The following PCGF5 variants were observed in gnomAD, a reference collection of about 807,000 sequenced individuals.
PCGF5 encodes the protein polycomb group RING finger protein 5.
In PCGF5, 9 loss-of-function variants were observed where a neutral mutation model predicts 44.3. The observed-to-expected ratio is 0.20, with a 90% confidence interval of 0.12 to 0.35. PCGF5 has a LOEUF of 0.35. Ranked by LOEUF, PCGF5 falls within the 10% of genes least tolerant of loss-of-function variation. The probability of loss-of-function intolerance (pLI) is 1.00; values close to 1 mark genes in which losing one functional copy is unlikely to be tolerated. For synonymous variants in PCGF5, 95 were observed against 102.5 expected (o/e 0.93, Z 0.44); for missense variants, 146 against 305.3 (o/e 0.48, Z 3.89).
upstream of PCGF5, among the ~76,000 whole-genome samples, chr10:91,160,645 A>G (rs887362806): frequency 3.4e-4 from 52 of 151,860 alleles, no homozygotes; most frequent in East Asian, 5.8e-4. Flanking sequence ...TCTGGGGGGG[A>G]AAAGAAGTCA....
intron 9 of PCGF5, among the ~76,000 whole-genome samples, chr10:91,275,122 T>C (rs1458377284): frequency 1.3e-5 from 2 of 152,088 alleles, no homozygotes; most frequent in Non-Finnish European, 2.9e-5. Flanking sequence ...AAAATATATT[T>C]GCAATGTATG....
chr10:91,236,247 T>C (rs950245807), intron 2 of PCGF5, among the ~76,000 whole-genome samples: 5 of 152,206 alleles, frequency 3.3e-5, no homozygotes, highest in Non-Finnish European at 7.3e-5. Flanking sequence ...GCTGTGCAGC[T>C]GTGAGCAGCC....
At chr10:91,205,769 A>ATTTG (rs1844336142) in intron 1 of PCGF5, among the ~76,000 whole-genome samples, 1 of 152,124 alleles carries the variant, frequency 6.6e-6, no homozygotes, top group Non-Finnish European at 1.5e-5. Flanking sequence ...ACTTGTGGTC[A>ATTTG]TTTGTTGGTC....
At chr10:91,237,598 G>C (rs997782672) in intron 2 of PCGF5, among the ~76,000 whole-genome samples, 3 of 152,086 alleles carry the variant, frequency 2.0e-5, no homozygotes, top group Non-Finnish European at 4.4e-5. Flanking sequence ...CAAATAATTA[G>C]CCAGGCATGG....
rs548340088 is a variant in PCGF5 at position 91,232,007 on chromosome 10, G to A, written c.113-8477G>A. Among the ~76,000 whole-genome samples the A allele has an allele frequency of 1.9e-4, 29 of 152,278 alleles. No homozygotes were observed. The South Asian group carries it at 2.1e-3, about 11-fold the overall frequency. On this transcript the variant is annotated intron_variant, in intron 2 of 9. Coordinates refer to ENST00000336126, the MANE Select transcript of PCGF5 (RefSeq NM_032373.5). ...ATGACTCCTGGAATGATCAGCATAT[G>A]CATCATTATTTAAACAATGAAAGTT...
intron 1 of PCGF5, among the ~76,000 whole-genome samples, chr10:91,181,536 A>G (rs946211474): frequency 2.6e-5 from 4 of 152,186 alleles, no homozygotes; most frequent in Non-Finnish European, 5.9e-5. Flanking sequence ...ATGTTCCTTC[A>G]ATACCTAGTT....
At chr10:91,216,492 T>C (rs917585995), upstream of PCGF5, among the ~76,000 whole-genome samples, 18 of 152,306 alleles carry the variant, frequency 1.2e-4, no homozygotes, top group Admixed American at 6.5e-4. Flanking sequence ...GTTTGGGCAT[T>C]ATTCTAGAAA....
chr10:91,237,029 A>G (rs572802958), intron 2 of PCGF5, among the ~76,000 whole-genome samples: 1 of 152,348 alleles, frequency 6.6e-6, no homozygotes, highest in South Asian at 2.1e-4. Flanking sequence ...TATCACACAT[A>G]CATTGGTTAA....
intron 1 of PCGF5, among the ~76,000 whole-genome samples, chr10:91,173,778 T>C (rs956839269): frequency 2.0e-5 from 3 of 152,110 alleles, no homozygotes; most frequent in Non-Finnish European, 4.4e-5. Context: ...AGTGCTAGGT[T>C]TTCAGCCTTA....
At chr10:91,180,010 A>AT (rs926249361) in intron 1 of PCGF5, among the ~76,000 whole-genome samples, 21 of 150,694 alleles carry the variant, frequency 1.4e-4, no homozygotes, top group South Asian at 8.4e-4. Context: ...ACCAGCACCT[A>AT]TTTTTTTTTA....
chr10:91,193,712 A>G (rs181904392), intron 1 of PCGF5, among the ~76,000 whole-genome samples: 193 of 152,244 alleles, frequency 1.3e-3, no homozygotes, highest in Admixed American at 2.6e-3. Context: ...ATATAATTTG[A>G]TGTAATTTTT....
At chr10:91,264,924 C>T (rs1424646161) in intron 8 of PCGF5, among the ~76,000 whole-genome samples, 4 of 152,032 alleles carry the variant, frequency 2.6e-5, no homozygotes, top group African/African-American at 7.2e-5. Flanking sequence ...AGAGGGGACA[C>T]ATAGGGTAGA....
At chr10:91,221,987 G>C (rs1844693910) in intron 1 of PCGF5, among the ~76,000 whole-genome samples, 1 of 152,198 alleles carries the variant, frequency 6.6e-6, no homozygotes. Flanking sequence ...GTGTTGGATA[G>C]AGTGCTTAGA....
At chr10:91,245,493 G>T (rs1845436638) in intron 3 of PCGF5, among the ~76,000 whole-genome samples, 1 of 151,692 alleles carries the variant, frequency 6.6e-6, no homozygotes, top group African/African-American at 2.4e-5. Context: ...ATGGGGTGGG[G>T]GGGTGCTGTC....
chr10:91,180,465 T>A (rs1236946583), intron 1 of PCGF5, among the ~76,000 whole-genome samples: 2 of 152,204 alleles, frequency 1.3e-5, no homozygotes, highest in African/African-American at 4.8e-5. Context: ...GTTTTTATAT[T>A]TTTTTGTTTT....
intron 1 of PCGF5, among the ~76,000 whole-genome samples, chr10:91,209,915 A>G (rs1380701140): frequency 6.6e-6 from 1 of 152,210 alleles, no homozygotes; most frequent in Non-Finnish European, 1.5e-5. Flanking sequence ...TGCACGTGTC[A>G]ACTCAATGAG....
intron 5 of PCGF5, among the ~76,000 whole-genome samples, chr10:91,249,560 A>G (rs1384678508): frequency 6.6e-6 from 1 of 151,678 alleles, no homozygotes; most frequent in African/African-American, 2.4e-5. Context: ...TTATAGGGTC[A>G]CTTGTAAGTT....
chr10:91,170,666 G>T (rs147620788), intron 1 of PCGF5, among the ~76,000 whole-genome samples: 22 of 152,352 alleles, frequency 1.4e-4, no homozygotes, highest in Non-Finnish European at 3.2e-4. Flanking sequence ...TAGTGGGAAT[G>T]TCAAACAGTA....
rs1845296254 is a variant in PCGF5, at chr10:91,240,527, T to C, written c.156T>C (p.Asp52=). ...CIVQHFEDSN[D]CPRCGNQVHE... is the part of the protein sequence containing the mutation. ...TTCAGCACTTTGAAGATAGCAATGA[T>C]TGCCCAAGGTGTGGCAACCAAGTTC... Residue 52 remains aspartate (D), a synonymous_variant, in exon 3 of 10, where the codon GAT becomes GAC. Coordinates refer to ENST00000336126, the MANE Select transcript of PCGF5 (RefSeq NM_032373.5). The C allele has an allele frequency of 4.3e-6, 7 of 1,612,132 alleles. No homozygotes were observed. Among genetic ancestry groups the C allele is most frequent in the Admixed American group, 1.7e-5 (1 of 59,808 alleles).
Sources: allele counts gnomAD v4.1 joint callset (sites outside exome capture counted in the v4.1 genomes callset), GRCh38; gene constraint gnomAD v4.1.1; transcripts MANE v1.5; gene names NCBI Gene and HGNC (gene_info 2026-07-23, HGNC 2026-07-21).